ATAD2B: variants seen among roughly 807,000 people sequenced by gnomAD.
ATAD2B encodes ATPase family AAA domain-containing protein 2B.
Under a neutral mutation model 167.6 loss-of-function variants are expected in ATAD2B, and 40 were observed. The ratio of observed to expected loss-of-function variants is 0.24; its 90% CI spans 0.19 to 0.31. The LOEUF is 0.31. Ranked by LOEUF, ATAD2B falls within the 10% of genes least tolerant of loss-of-function variation. The probability of loss-of-function intolerance (pLI) is 1.00; values close to 1 mark genes in which losing one functional copy is unlikely to be tolerated. For missense variants in ATAD2B, 1,242 were observed against 1,757.2 expected, an observed-to-expected ratio of 0.71 and a Z score of 5.24; for synonymous variants, 579 against 596.5, an observed-to-expected ratio of 0.97 and a Z score of 0.43.
chr2:23,823,388 A>G lies in ATAD2B; in HGVS notation c.2001T>C (p.Ala667=). The change falls in exon 16 of 28, where the codon GCT becomes GCC. Residue 667 remains alanine, a synonymous_variant. Coordinates refer to ENST00000238789, the MANE Select transcript of ATAD2B (RefSeq NM_017552.4). ...ATAGTGCATGCCCTGAAGACATCAC[A>G]GCACGTTGGGAAGCAGGCACGATAT... ...MQNIVPASQR[A]VMSSGHALSP... The G allele has an allele frequency of 6.2e-7, 1 of 1,613,994 alleles. No homozygotes were observed. The highest frequency in any genetic ancestry group is 8.5e-7 in the Non-Finnish European group (1 of 1,179,884).
At chr2:23,691,897 T>G in the ATAD2B span, 3 of 1,545,250 alleles carry the variant, frequency 1.9e-6, no homozygotes, top group Non-Finnish European at 2.6e-6. Flanking sequence ...GGGCCACATA[T>G]GTCGCTTGGG....
chr2:23,791,254 A>G (rs1681651507), intron 19 of ATAD2B, among the ~76,000 whole-genome samples: 1 of 152,180 alleles, frequency 6.6e-6, no homozygotes, highest in African/African-American at 2.4e-5. Flanking sequence ...TCCCATACAA[A>G]TGTCTTTCTG....
chr2:23,848,426 G>T (rs549628904), intron 13 of ATAD2B, among the ~76,000 whole-genome samples: 1 of 152,308 alleles, frequency 6.6e-6, no homozygotes, highest in African/African-American at 2.4e-5. Context: ...GTTGCAGTGA[G>T]CCGAGACTGC....
At chr2:23,706,340 GGGCAAAGAAGGGCAGCA>G in the ATAD2B span, 6 of 590,038 alleles carry the variant, frequency 1.0e-5, no homozygotes, top group African/African-American at 1.2e-4. Context: ...CCAGGTTAGA[GGGCAAAGAAGGGCAGCA>G]AGATCCCAGA....
chr2:23,926,388 G>C (rs1704819786), intron 1 of ATAD2B, among the ~76,000 whole-genome samples, 167 bp downstream of exon 1: 1 of 152,176 alleles, frequency 6.6e-6, no homozygotes, highest in South Asian at 2.1e-4. Context: ...AGGGGCCAGC[G>C]TCGCGGCCCT....
At chr2:23,831,027 C>T (rs1337389647) in intron 14 of ATAD2B, among the ~76,000 whole-genome samples, 1 of 152,104 alleles carries the variant, frequency 6.6e-6, no homozygotes, top group Non-Finnish European at 1.5e-5. Flanking sequence ...AGTCACTTTC[C>T]TTTTGTCATA....
At chr2:23,879,524 T>C (rs1697538511) in intron 7 of ATAD2B, among the ~76,000 whole-genome samples, 1 of 152,184 alleles carries the variant, frequency 6.6e-6, no homozygotes, top group African/African-American at 2.4e-5. Flanking sequence ...GGAGGATAGC[T>C]TGAGCTCAGG....
the ATAD2B span, chr2:23,684,439 G>T: frequency 6.4e-7 from 1 of 1,550,546 alleles, no homozygotes; most frequent in Middle Eastern, 1.7e-4. The surrounding 1 kb of genome is among the most constrained non-coding windows in gnomAD (Gnocchi z 4.4). Context: ...GAGCGAAAGC[G>T]TTTACAGACC....
rs1432063562 is a variant in ATAD2B, at chr2:23,872,686, A to G, written c.978-2925T>C. The G allele has an allele frequency of 5.3e-6, 7 of 1,318,976 alleles. No individual in the cohort carries two copies. The African/African-American group carries it at 5.8e-5, about 11-fold the overall frequency. The allele number at this position is 1,318,976 out of a possible 1,614,324, so 81.7% of individuals were successfully genotyped here. A position where few individuals can be genotyped will look rare whatever the true frequency, so the allele number is the denominator to read the frequency against. ...GCCTCCAGATCTTCACCTGGGCCTC[A>G]CCATGCTTTGCAGCAGTTTCTGCTT... On this transcript the variant is annotated intron_variant, in intron 8 of 27. Coordinates refer to ENST00000238789, the MANE Select transcript of ATAD2B (RefSeq NM_017552.4).
rs376319421 is a variant in ATAD2B at position 23,880,455 on chromosome 2, C to T, written c.901+184G>A. Among the ~76,000 whole-genome samples the T allele has an allele frequency of 5.9e-4, 89 of 151,748 alleles. No homozygotes were observed. In the South Asian group the frequency reaches 0.013, roughly 22 times the overall value. The stretch of plus-strand genomic sequence containing the variant: ...GCGGGCACCTGTAGTCCCAGCTACT[C>T]GGGAGGCTGAAGCAGGAGAATGGCA... On this transcript the variant is annotated intron_variant, in intron 7 of 27. Coordinates refer to ENST00000238789, the MANE Select transcript of ATAD2B (RefSeq NM_017552.4).
chr2:23,896,391 T>C (rs553539207), intron 1 of ATAD2B, among the ~76,000 whole-genome samples: 40 of 152,236 alleles, frequency 2.6e-4, no homozygotes, highest in Non-Finnish European at 4.6e-4. Flanking sequence ...TAAATTTTAC[T>C]GAATTATACT....
In ATAD2B at chr2:23,751,741, A is replaced by G. The variant is rs1675376168; in HGVS notation, c.*305T>C. On this transcript the variant is annotated 3_prime_UTR_variant, in exon 28 of 28. Coordinates refer to ENST00000238789, the MANE Select transcript of ATAD2B (RefSeq NM_017552.4). ...CCTAAGAGAGGAGTCTCCAAAAGAG[A>G]GTGCACAAAAAGAGGAGCAGAAGCG... 1 of 372,864 alleles carries G rather than the reference A, an allele frequency of 2.7e-6. No individual in the cohort carries two copies. Among genetic ancestry groups the G allele is most frequent in the Non-Finnish European group, 4.8e-6 (1 of 207,110 alleles). The allele number at this position is 372,864 out of a possible 1,614,324, so 23.1% of individuals were successfully genotyped here. A position where few individuals can be genotyped will look rare whatever the true frequency, so the allele number is the denominator to read the frequency against.
At chr2:23,809,620 G>C (rs1391334413) in intron 18 of ATAD2B, among the ~76,000 whole-genome samples, 4 of 152,046 alleles carry the variant, frequency 2.6e-5, no homozygotes, top group Non-Finnish European at 5.9e-5. Context: ...TTATTTATTT[G>C]AAACATTATT....
In ATAD2B at chr2:23,757,669, C is replaced by T. The variant is rs1401050526; in HGVS notation, c.3827G>A (p.Ser1276Asn). The T allele has an allele frequency of 6.2e-7, 1 of 1,613,696 alleles. No individual in the cohort carries two copies. Among genetic ancestry groups the T allele is most frequent in the South Asian group, 1.1e-5 (1 of 91,080 alleles). Reference protein sequence around the residue: ...NCLNGEASTDSFEGIPVLECQ... With the variant: ...NCLNGEASTDNFEGIPVLECQ... Reference sequence around the variant, plus strand: ...TTCCAGAACTGGTATTCCTTCAAAACTGTCAGTGGAAGCCTCACCATTTAG... The same window carrying T: ...TTCCAGAACTGGTATTCCTTCAAAATTGTCAGTGGAAGCCTCACCATTTAG... The change falls in exon 25 of 28, where the codon AGT becomes AAT. Residue 1276 changes from serine to asparagine, a missense_variant. Ser to Asn is a conservative substitution (Grantham distance 46). Transcript: ENST00000238789.
intron 12 of ATAD2B, among the ~76,000 whole-genome samples, chr2:23,863,166 C>T (rs1364108124): frequency 1.3e-5 from 2 of 152,042 alleles, no homozygotes; most frequent in Admixed American, 6.6e-5. Flanking sequence ...ATCAGCCAGG[C>T]GTGGTGATGC....
In ATAD2B at chr2:23,856,897, G is replaced by T. The variant is rs150449160; in HGVS notation, c.1568+518C>A. Among the ~76,000 whole-genome samples the T allele has an allele frequency of 1.4e-3, 217 of 151,616 alleles. 2 individuals are homozygous for T. In the East Asian group the frequency reaches 0.014, roughly 10 times the overall value. ...CCAAAAAATTATGCTAAATTAGGAT[G>T]AGAAAACTTTTTCTGTAAAAGGTCA... On this transcript the variant is annotated intron_variant, in intron 13 of 27. Transcript: ENST00000238789.
At chr2:23,752,211 T>C (rs1389773014) in intron 27 of ATAD2B, 124 bp from the exon 28 acceptor site, 2 of 706,188 alleles carry the variant, frequency 2.8e-6, no homozygotes, top group Admixed American at 2.5e-5. Context: ...CTTTGAATAT[T>C]TTCCTGATTA....
intron 13 of ATAD2B, chr2:23,856,382 G>A: frequency 3.1e-6 from 1 of 326,782 alleles, no homozygotes; most frequent in Non-Finnish European, 6.4e-6. Flanking sequence ...GAACATTTCA[G>A]ATTTCAGATT....
At chr2:23,872,772 G>A in intron 8 of ATAD2B, 1 of 939,508 alleles carries the variant, frequency 1.1e-6, no homozygotes, top group Non-Finnish European at 1.7e-6. Context: ...CTCACTACAG[G>A]CAACCACATC....
Sources: gnomAD v4.1 joint callset for allele counts (sites outside exome capture counted in the v4.1 genomes callset) on GRCh38, gnomAD v4.1.1 for gene constraint, Gnocchi (gnomAD v3.1) non-coding constraint, MANE v1.5 for transcripts, NCBI Gene and HGNC (gene_info 2026-07-23, HGNC 2026-07-21) for gene names.